The following NPAS3 variants were observed in gnomAD, a reference collection of about 807,000 sequenced individuals.
The protein encoded by NPAS3 is neuronal PAS domain-containing protein 3.
A neutral mutation model predicts 73.1 loss-of-function variants in NPAS3; 14 were observed. That is an observed-to-expected ratio of 0.19 (90% CI 0.13 to 0.30). NPAS3 has a LOEUF of 0.30. Ranked by LOEUF, NPAS3 falls within the 10% of genes least tolerant of loss-of-function variation. The probability of loss-of-function intolerance (pLI) is 1.00; values close to 1 mark genes in which losing one functional copy is unlikely to be tolerated. For missense variants in NPAS3, 1,096 were observed against 1,250.0 expected (o/e 0.88, Z 1.86); for synonymous variants, 620 against 541.5 (o/e 1.14, Z -2.01).
chr14:33,284,756 C>G (rs370815013), intron 3 of NPAS3, among the ~76,000 whole-genome samples: 2 of 130,674 alleles, frequency 1.5e-5, no homozygotes, highest in East Asian at 4.1e-4. Flanking sequence ...ATCTATATAT[C>G]TATATCTATA....
chr14:33,197,237 C>CTGTGTGTGAG (rs1555353813), intron 2 of NPAS3, among the ~76,000 whole-genome samples: 3 of 135,214 alleles, frequency 2.2e-5, no homozygotes, highest in Non-Finnish European at 4.8e-5. Context: ...CTCCAGCAGG[C>CTGTGTGTGAG]TGTGTGTGTG....
chr14:33,163,404 G>A (rs1325935664), intron 2 of NPAS3, among the ~76,000 whole-genome samples: 3 of 152,136 alleles, frequency 2.0e-5, no homozygotes, highest in Non-Finnish European at 2.9e-5. Flanking sequence ...GGGTACATGC[G>A]AAAAATGTGC....
At chr14:33,135,572 A>G (rs1392198965) in intron 2 of NPAS3, among the ~76,000 whole-genome samples, 2 of 152,198 alleles carry the variant, frequency 1.3e-5, no homozygotes, top group Non-Finnish European at 2.9e-5. Context: ...AAGTCAAAAA[A>G]GCTGAGCAGC....
At chr14:33,287,799 G>T (rs553915250) in intron 3 of NPAS3, among the ~76,000 whole-genome samples, 9 of 152,270 alleles carry the variant, frequency 5.9e-5, no homozygotes, top group Non-Finnish European at 1.0e-4. Context: ...AGAGCAGGGT[G>T]AAAGAACTAG....
At chr14:32,976,656 T>C (rs1342271593) in intron 1 of NPAS3, among the ~76,000 whole-genome samples, 2 of 152,246 alleles carry the variant, frequency 1.3e-5, no homozygotes, top group African/African-American at 4.8e-5. Flanking sequence ...GTTTTTCATT[T>C]AGGTATCAAC....
chr14:33,256,841 A>G lies in NPAS3; in HGVS notation c.385+41415A>G, dbSNP rs1235102876. 2.0e-5 allele frequency among the ~76,000 whole-genome samples: 3 copies of G among 152,198 alleles called. 1 individual carries two copies. In the South Asian group the frequency reaches 6.2e-4, roughly 32 times the overall value. On this transcript the variant is annotated intron_variant, in intron 3 of 11. Transcript: ENST00000356141. ...ATTGTTCTTTGAAAGAATAAATGAA[A>G]TGTGAAGCAAAAAAGTATGGAAAGC... is the stretch of plus-strand genomic sequence containing the variant.
intron 4 of NPAS3, among the ~76,000 whole-genome samples, chr14:33,443,202 T>C (rs2049330692): frequency 6.6e-6 from 1 of 152,038 alleles, no homozygotes; most frequent in Admixed American, 6.6e-5. Context: ...ATTTCAAGTC[T>C]ATCGAATATG....
intron 7 of NPAS3, among the ~76,000 whole-genome samples, chr14:33,769,375 T>C (rs2062568009): frequency 6.6e-6 from 1 of 152,264 alleles, no homozygotes. Flanking sequence ...TTGTCTCCAC[T>C]GGTTACCATT....
At chr14:33,112,123 T>C (rs890635821) in intron 2 of NPAS3, among the ~76,000 whole-genome samples, 2 of 152,194 alleles carry the variant, frequency 1.3e-5, no homozygotes, top group African/African-American at 2.4e-5. Context: ...AGTGCTGCAA[T>C]AAACATACGT....
chr14:33,784,745 A>ATTTTTTTTTTTTTTTT (rs1226491375), intron 9 of NPAS3, among the ~76,000 whole-genome samples: 20 of 73,848 alleles, frequency 2.7e-4, no homozygotes, highest in African/African-American at 9.4e-4. Context: ...TTATTTATTT[A>ATTTTTTTTTTTTTTTT]TTTTTTTTTT....
chr14:33,585,395 G>A (rs1316410960), intron 5 of NPAS3, among the ~76,000 whole-genome samples: 1 of 152,142 alleles, frequency 6.6e-6, no homozygotes, highest in African/African-American at 2.4e-5. Context: ...TCGAGAATCT[G>A]GGTCCCATAT....
chr14:33,681,357 G>C (rs536313299), intron 6 of NPAS3, among the ~76,000 whole-genome samples: 1 of 152,258 alleles, frequency 6.6e-6, no homozygotes, highest in African/African-American at 2.4e-5. Flanking sequence ...AGTTAGGCAA[G>C]GGAAACCATC....
At chr14:33,596,601 A>G (rs1432326124) in intron 5 of NPAS3, among the ~76,000 whole-genome samples, 2 of 152,234 alleles carry the variant, frequency 1.3e-5, no homozygotes, top group African/African-American at 4.8e-5. Context: ...ACCAGTTCTG[A>G]CAACTGCATC....
At chr14:33,508,416 G>A (rs1321098732) in intron 4 of NPAS3, among the ~76,000 whole-genome samples, 2 of 152,010 alleles carry the variant, frequency 1.3e-5, no homozygotes, top group Admixed American at 6.6e-5. Flanking sequence ...TACTAAGTAC[G>A]AAGATGTAAG....
At chr14:33,176,567 C>G (rs2045596027) in intron 2 of NPAS3, among the ~76,000 whole-genome samples, 1 of 152,186 alleles carries the variant, frequency 6.6e-6, no homozygotes, top group Non-Finnish European at 1.5e-5. Context: ...CTTTATGTGG[C>G]TGAATAATAT....
intron 2 of NPAS3, among the ~76,000 whole-genome samples, chr14:33,133,161 AT>A (rs1302770892): frequency 6.6e-6 from 1 of 152,168 alleles, no homozygotes; most frequent in Non-Finnish European, 1.5e-5. Flanking sequence ...TCATCATATA[AT>A]TGGTAGCAAC....
At chr14:33,696,432 A>C (rs1425872489) in intron 6 of NPAS3, among the ~76,000 whole-genome samples, 1 of 152,216 alleles carries the variant, frequency 6.6e-6, no homozygotes, top group Non-Finnish European at 1.5e-5. Flanking sequence ...TGGGCCATCG[A>C]AAGACATAAT....
intron 2 of NPAS3, among the ~76,000 whole-genome samples, chr14:33,069,521 G>T (rs1017660227): frequency 1.3e-5 from 2 of 152,200 alleles, no homozygotes; most frequent in Non-Finnish European, 2.9e-5. Flanking sequence ...GATGGAGACG[G>T]ATGTATTCAA....
chr14:32,945,371 A>G (rs1051497233), intron 1 of NPAS3, among the ~76,000 whole-genome samples: 1 of 152,220 alleles, frequency 6.6e-6, no homozygotes, highest in Non-Finnish European at 1.5e-5. Flanking sequence ...TGATGATTAT[A>G]TAATAATATA....
Sources: allele counts gnomAD v4.1 joint callset (sites outside exome capture counted in the v4.1 genomes callset), GRCh38; gene constraint gnomAD v4.1.1; transcripts MANE v1.5; gene names NCBI Gene and HGNC (gene_info 2026-07-23, HGNC 2026-07-21).